Variants in BRD7 observed in about 807,000 individuals in gnomAD.
BRD7 encodes bromodomain-containing protein 7.
In BRD7, 15 loss-of-function variants were observed where a neutral mutation model predicts 82.1. The observed-to-expected ratio is 0.18, with a 90% CI of 0.12 to 0.28. The LOEUF (loss-of-function observed/expected upper bound fraction) is 0.28. BRD7 is among the 10% of genes least tolerant of loss of function. The pLI, the probability that BRD7 is intolerant of heterozygous loss-of-function variation, is 1.00. For synonymous variants in BRD7, 232 were observed against 266.9 expected (o/e 0.87, Z 1.27); for missense variants, 638 against 779.9 (o/e 0.82, Z 2.17).
chr16:50,365,627 C>G (rs1353595351), intron 2 of BRD7, among the ~76,000 whole-genome samples: 1 of 152,054 alleles, frequency 6.6e-6, no homozygotes, highest in Non-Finnish European at 1.5e-5. Flanking sequence ...TATACTGCAT[C>G]TAAAACCAAG....
chr16:50,365,843 C>A (rs1597106211), intron 2 of BRD7, among the ~76,000 whole-genome samples: 1 of 151,010 alleles, frequency 6.6e-6, no homozygotes, highest in African/African-American at 2.4e-5. Flanking sequence ...AGTCTAATAT[C>A]TAAAGGGCAG....
intron 5 of BRD7, among the ~76,000 whole-genome samples, chr16:50,342,954 A>G (rs2038131103): frequency 6.6e-6 from 1 of 152,170 alleles, no homozygotes; most frequent in Non-Finnish European, 1.5e-5. Context: ...CTCAAATGGG[A>G]AAAACCTCAT....
intron 5 of BRD7, among the ~76,000 whole-genome samples, chr16:50,345,546 T>G (rs1025712095): frequency 6.6e-6 from 1 of 152,022 alleles, no homozygotes; most frequent in African/African-American, 2.4e-5. Context: ...GAGACACACA[T>G]AGGCTCAAAA....
chr16:50,337,654 T>C (rs1045342551), intron 6 of BRD7, among the ~76,000 whole-genome samples: 2 of 152,222 alleles, frequency 1.3e-5, no homozygotes, highest in African/African-American at 2.4e-5. Flanking sequence ...TACAATTTTT[T>C]CAATGAACAT....
At chr16:50,334,689 T>C (rs1393234123) in intron 7 of BRD7, 22 bp downstream of exon 7, 7 of 1,610,854 alleles carry the variant, frequency 4.3e-6, no homozygotes, top group Non-Finnish European at 5.9e-6. Context: ...AGTTTGACCT[T>C]AACATCCCAA....
At chr16:50,333,374 G>A (rs530948146) in intron 8 of BRD7, among the ~76,000 whole-genome samples, 200 bp downstream of exon 8, 54 of 152,306 alleles carry the variant, frequency 3.5e-4, no homozygotes, top group African/African-American at 1.3e-3. Context: ...AATATCATGA[G>A]TTGAAAATGC....
chr16:50,321,084 G>A (rs951888785), intron 13 of BRD7, among the ~76,000 whole-genome samples: 3 of 152,222 alleles, frequency 2.0e-5, no homozygotes, highest in Non-Finnish European at 2.9e-5. Flanking sequence ...GAGCCTTGTT[G>A]TTGCTTAAAC....
Position 50,333,624 on chromosome 16 carries a change from T to C in BRD7, c.961A>G (p.Ile321Val). The change falls in exon 8 of 17, where the codon ATC (isoleucine) becomes GTC (valine). Residue 321 changes from isoleucine (I) to valine (V), a missense_variant. Around this residue, in one of 3 missense-constraint regions of BRD7, gnomAD observed 402 missense variants for 500.8 expected, o/e 0.80. Coordinates refer to ENST00000394688, the MANE Select transcript of BRD7 (RefSeq NM_013263.5). ...AGCTTTCCTCCAGATTCCTTCACGA[T>C]GCGGTCAAGCTGCTCCTGCTCTCTC... ...LEREQEQLDR[I>V]VKESGGKLTR... is the part of the protein sequence containing the mutation. The C allele has an allele frequency of 1.9e-6, 3 of 1,611,936 alleles. No homozygotes were observed. Among genetic ancestry groups the C allele is most frequent in the Non-Finnish European group, 2.5e-6 (3 of 1,179,812 alleles).
At chr16:50,337,446 G>C (rs1390517904) in intron 6 of BRD7, among the ~76,000 whole-genome samples, 4 of 151,736 alleles carry the variant, frequency 2.6e-5, no homozygotes, top group Admixed American at 2.6e-4. Flanking sequence ...TTTTAGTAGA[G>C]ACGGAGTTTT....
At position 50,368,747 on chromosome 16, in the gene BRD7, A is replaced by C; in HGVS notation, c.28T>G (p.Ser10Ala). 1 of 1,553,728 alleles carries C rather than the reference A, an allele frequency of 6.4e-7. No individual in the cohort carries two copies. The highest frequency in any genetic ancestry group is 8.7e-7 in the Non-Finnish European group (1 of 1,151,566). ...TCACCCTCGTAGAGGTGTTTGTCCG[A>C]CTTGTGCTTCTTGTGCTTCTTGCCC... MGKKHKKHK[S>A]DKHLYEEYVE... The change falls in exon 1 of 17, where the codon TCG (serine) becomes GCG (alanine). Residue 10 changes from serine to alanine, a missense_variant. Ser to Ala is a moderately conservative substitution (Grantham distance 99). This residue lies in a region of BRD7 where 172 missense variants were observed against 155.3 expected (regional missense o/e 1.11). Transcript: ENST00000394688.
Position 50,361,623 on chromosome 16 carries a change from C to T in BRD7, c.258+6467G>A, listed in dbSNP as rs188291004. Reference sequence around the variant, plus strand: ...ATTCAATATTTGTTAGATACTGTTACCAGATTTATGTTACTAACACTCAGC... The same window carrying T: ...ATTCAATATTTGTTAGATACTGTTATCAGATTTATGTTACTAACACTCAGC... On this transcript the variant is annotated intron_variant, in intron 2 of 16. Coordinates refer to ENST00000394688, the MANE Select transcript of BRD7 (RefSeq NM_013263.5). 2.5e-3 allele frequency among the ~76,000 whole-genome samples: 386 copies of T among 152,306 alleles called. 3 individuals carry two copies. Among genetic ancestry groups the T allele is most frequent in the African/African-American group, 8.7e-3 (363 of 41,566 alleles).
At chr16:50,348,800 C>T (rs2038393722) in intron 5 of BRD7, among the ~76,000 whole-genome samples, 1 of 152,206 alleles carries the variant, frequency 6.6e-6, no homozygotes, top group Non-Finnish European at 1.5e-5. Context: ...CACTTTTACA[C>T]TGTTGGTGGG....
chr16:50,333,646 T>G lies in BRD7; in HGVS notation c.939A>C (p.Arg313Ser), dbSNP rs777208795. ...EDKFKSNNLE[R>S]EQEQLDRIVK... The stretch of plus-strand genomic sequence containing the variant: ...CGATGCGGTCAAGCTGCTCCTGCTC[T>G]CTCTCTAAATTATTGCTTTTAAACT... The change falls in exon 8 of 17, where the codon AGA (arginine) becomes AGC (serine). Residue 313 changes from arginine (R) to serine (S), a missense_variant. Arg to Ser is a moderately radical substitution (Grantham distance 110). Transcript: ENST00000394688. 1.2e-6 allele frequency: 2 copies of G among 1,610,462 alleles called. No homozygotes were observed. The highest frequency in any genetic ancestry group is 2.2e-5 in the South Asian group (2 of 90,934).
chr16:50,347,768 A>G (rs1483307772), intron 5 of BRD7, among the ~76,000 whole-genome samples: 1 of 152,230 alleles, frequency 6.6e-6, no homozygotes, highest in Non-Finnish European at 1.5e-5. Flanking sequence ...AGAGGATACA[A>G]ACAAATGGAA....
intron 5 of BRD7, chr16:50,349,562 C>T (rs766625808): frequency 7.2e-5 from 34 of 469,810 alleles, no homozygotes; most frequent in Middle Eastern, 4.5e-4. Flanking sequence ...TCCTGTACAG[C>T]CTGTGGAACT....
chr16:50,335,672 G>A (rs1486240009), intron 6 of BRD7, among the ~76,000 whole-genome samples: 5 of 152,150 alleles, frequency 3.3e-5, no homozygotes, highest in African/African-American at 1.2e-4. Flanking sequence ...AGACTTCTGT[G>A]GAGTAACATA....
rs1469041497 is a variant in BRD7, at chr16:50,317,395, G to C, written c.*1816C>G. 1 of 150,352 alleles carries C rather than the reference G, an allele frequency of 6.7e-6. No individual in the cohort carries two copies. 9.3% of individuals were successfully genotyped at this position (150,352 alleles called of 1,614,324 possible). On this transcript the variant is annotated 3_prime_UTR_variant, in exon 17 of 17. Transcript: ENST00000394688. ...GCAGTGACCAGGGCTGCCCGGCGGGGGCTCTCCTGGCAAGTCAGGAAGGTT... is the reference window on the plus strand; with the variant it reads ...GCAGTGACCAGGGCTGCCCGGCGGGCGCTCTCCTGGCAAGTCAGGAAGGTT...
At chr16:50,329,684 G>T (rs1453743041) in intron 8 of BRD7, among the ~76,000 whole-genome samples, 1 of 152,154 alleles carries the variant, frequency 6.6e-6, no homozygotes, top group African/African-American at 2.4e-5. Context: ...GGTCAGGAAG[G>T]GCAGCCGGCA....
intron 12 of BRD7, 24 bp downstream of exon 12, chr16:50,323,561 CCT>C (rs1472892284): frequency 6.1e-6 from 9 of 1,473,412 alleles, no homozygotes; most frequent in African/African-American, 5.6e-5. Context: ...AATAAATTAC[CCT>C]GTTTTCATTA....
Sources: allele counts gnomAD v4.1 joint callset (sites outside exome capture counted in the v4.1 genomes callset), GRCh38; gene constraint gnomAD v4.1.1; regional missense constraint gnomAD v4.1.1; transcripts MANE v1.5; gene names NCBI Gene and HGNC (gene_info 2026-07-23, HGNC 2026-07-21).